Variants in CUBN observed in about 807,000 individuals in gnomAD.
The protein encoded by CUBN is 460 kDa receptor.
In CUBN, 282 loss-of-function variants were observed where a neutral mutation model predicts 405.3. The ratio of observed to expected loss-of-function variants is 0.70; its 90% CI spans 0.63 to 0.77. CUBN has a LOEUF of 0.77. Among genes scored for constraint, CUBN ranks in the 30% least tolerant of loss-of-function variants. CUBN has a pLI of 0.00. For synonymous variants in CUBN, 1,684 were observed against 1,617.0 expected (o/e 1.04, Z -0.99); for missense variants, 4,514 against 4,475.2 (o/e 1.01, Z -0.25).
intron 60 of CUBN, among the ~76,000 whole-genome samples, chr10:16,841,532 A>T (rs542035680): frequency 6.6e-6 from 1 of 152,208 alleles, no homozygotes; most frequent in African/African-American, 2.4e-5. Flanking sequence ...CCACTCAATC[A>T]AACAGCCAAA....
At chr10:16,982,712 C>T in intron 30 of CUBN, 59 bp from the exon 31 acceptor site, 2 of 1,446,560 alleles carry the variant, frequency 1.4e-6, no homozygotes, top group South Asian at 2.4e-5. Context: ...GAAAATAATC[C>T]ATTACCTGGT....
chr10:17,004,893 C>T (rs1833976958), intron 28 of CUBN, among the ~76,000 whole-genome samples: 1 of 152,120 alleles, frequency 6.6e-6, no homozygotes, highest in African/African-American at 2.4e-5. Flanking sequence ...CTCCTGACCT[C>T]ATGGTCCACC....
Position 16,948,527 on chromosome 10 carries a change from A to G in CUBN, c.5160T>C (p.Ser1720=). The G allele has an allele frequency of 6.2e-7, 1 of 1,614,120 alleles. No homozygotes were observed. The highest frequency in any genetic ancestry group is 1.1e-5 in the South Asian group (1 of 91,086). ...TGTGGAAACCCCCAGCACTGATGCT[A>G]GAATCAGAGACGAATCTCAGCGTCA... The part of the protein sequence containing the change: ...SALTLRFVSD[S]SISAGGFHTT... Residue 1720 remains serine, a synonymous_variant, in exon 35 of 67, where the codon TCT becomes TCC. Coordinates refer to ENST00000377833, the MANE Select transcript of CUBN (RefSeq NM_001081.4).
At chr10:17,005,977 C>G (rs1213590218) in intron 28 of CUBN, among the ~76,000 whole-genome samples, 1 of 152,148 alleles carries the variant, frequency 6.6e-6, no homozygotes, top group East Asian at 1.9e-4. Context: ...AGGATGAACA[C>G]ACACAGAGAA....
At chr10:16,841,086 CA>C (rs1839334968) in intron 60 of CUBN, 39 bp from the exon 61 acceptor site, 2 of 1,594,562 alleles carry the variant, frequency 1.3e-6, no homozygotes, top group East Asian at 2.2e-5. Context: ...CCATTACTTA[CA>C]AAAAATTGCA....
At chr10:17,077,785 G>T (rs571744080) in intron 17 of CUBN, among the ~76,000 whole-genome samples, 4 of 152,198 alleles carry the variant, frequency 2.6e-5, no homozygotes, top group Admixed American at 2.6e-4. Context: ...GGGGTGAGGA[G>T]GATAAGAGAT....
chr10:16,947,431 A>C, intron 35 of CUBN, 64 bp from the exon 36 acceptor site: 1 of 1,537,442 alleles, frequency 6.5e-7, no homozygotes, highest in Non-Finnish European at 9.0e-7. Context: ...TATAAAATAA[A>C]GGAGAAAGAA....
At chr10:17,097,682 A>C (rs1836404655) in intron 14 of CUBN, among the ~76,000 whole-genome samples, 1 of 152,184 alleles carries the variant, frequency 6.6e-6, no homozygotes, top group South Asian at 2.1e-4. Context: ...GAACAAATGG[A>C]AAATATTTGA....
chr10:16,958,818 G>T (rs139327562), intron 31 of CUBN, among the ~76,000 whole-genome samples: 1 of 152,134 alleles, frequency 6.6e-6, no homozygotes, highest in Admixed American at 6.5e-5. Context: ...ACACACCTCA[G>T]TCTGCTTCTT....
intron 63 of CUBN, among the ~76,000 whole-genome samples, chr10:16,835,552 G>C (rs1839142837): frequency 6.6e-6 from 1 of 151,434 alleles, no homozygotes; most frequent in Non-Finnish European, 1.5e-5. Context: ...CTCCAAGACA[G>C]AGTTTTGCAC....
chr10:17,077,411 C>G (rs985796627), intron 17 of CUBN, among the ~76,000 whole-genome samples: 1 of 152,132 alleles, frequency 6.6e-6, no homozygotes, highest in South Asian at 2.1e-4. Flanking sequence ...GGCTTTTGAG[C>G]CTAGTGAGTC....
intron 26 of CUBN, among the ~76,000 whole-genome samples, chr10:17,043,410 T>G (rs186910128): frequency 6.6e-6 from 1 of 152,172 alleles, no homozygotes; most frequent in Non-Finnish European, 1.5e-5. Flanking sequence ...TAGAATACTA[T>G]GTACATTGGA....
Position 16,874,451 on chromosome 10 carries a change from A to C in CUBN, c.9159T>G (p.Tyr3053Ter). The C allele has an allele frequency of 1.2e-6, 2 of 1,614,148 alleles. No homozygotes were observed. The highest frequency in any genetic ancestry group is 1.7e-6 in the Non-Finnish European group (2 of 1,179,960). ...FSSGIITSPAYSYADYPNDMH... is the reference protein window; with the variant it reads ...FSSGIITSPA Reference sequence around the variant, plus strand: ...TATCATTTGGGTAGTCTGCGTATGAATAGGCAGGACTTGTGATGATTCCAG... The same window carrying C: ...TATCATTTGGGTAGTCTGCGTATGACTAGGCAGGACTTGTGATGATTCCAG... The change falls in exon 58 of 67, where the codon TAT becomes TAG. Residue 3053 changes from tyrosine (Y) to a stop codon, truncating the protein, a stop_gained. Transcript: ENST00000377833. LOFTEE classifies it high-confidence loss of function.
At chr10:16,866,275 T>C (rs1011670349) in intron 59 of CUBN, among the ~76,000 whole-genome samples, 5 of 152,178 alleles carry the variant, frequency 3.3e-5, no homozygotes, top group Admixed American at 6.5e-5. Context: ...GTTTGATGTG[T>C]AGTGTGACAT....
intron 58 of CUBN, among the ~76,000 whole-genome samples, chr10:16,873,735 A>AT (rs1325669644): frequency 4.6e-5 from 7 of 151,518 alleles, no homozygotes; most frequent in Non-Finnish European, 7.4e-5. Flanking sequence ...AAAAAAAAAA[A>AT]AAGAAAAGAA....
intron 28 of CUBN, among the ~76,000 whole-genome samples, chr10:17,001,452 G>A (rs1372802725): frequency 6.6e-6 from 1 of 152,344 alleles, no homozygotes; most frequent in East Asian, 1.9e-4. Context: ...TGTTTTTACA[G>A]AGTGCTGATT....
In CUBN at chr10:17,045,303, A is replaced by G. The variant is rs1156250455; in HGVS notation, c.3491-115T>C. 10 of 987,426 alleles carry G rather than the reference A, an allele frequency of 1.0e-5. No homozygotes were observed. The East Asian group carries it at 2.1e-4, about 20-fold the overall frequency. The allele number at this position is 987,426 out of a possible 1,614,324, so 61.2% of individuals were successfully genotyped here. ...TATCCTTTAAATCAAATTGCACAGCAAAATGGCATCATGAAAGAGTAGTTA... is the reference window on the plus strand; with the variant it reads ...TATCCTTTAAATCAAATTGCACAGCGAAATGGCATCATGAAAGAGTAGTTA... On this transcript the variant is annotated intron_variant, in intron 24 of 66. Coordinates refer to ENST00000377833, the MANE Select transcript of CUBN (RefSeq NM_001081.4).
chr10:16,894,348 T>G (rs891487701), intron 54 of CUBN, among the ~76,000 whole-genome samples: 11 of 152,296 alleles, frequency 7.2e-5, no homozygotes, highest in Admixed American at 7.2e-4. Flanking sequence ...ATTTTACTTT[T>G]CAGTCTATCA....
intron 17 of CUBN, among the ~76,000 whole-genome samples, chr10:17,082,460 C>T (rs996694862): frequency 6.6e-6 from 1 of 152,112 alleles, no homozygotes; most frequent in African/African-American, 2.4e-5. Flanking sequence ...CACTGAAATT[C>T]AGTTCTAGTG....
Sources: allele counts gnomAD v4.1 joint callset (sites outside exome capture counted in the v4.1 genomes callset), GRCh38; gene constraint gnomAD v4.1.1; transcripts MANE v1.5; gene names NCBI Gene and HGNC (gene_info 2026-07-23, HGNC 2026-07-21).